Variants in SHROOM3 observed in about 807,000 individuals in gnomAD.
The protein encoded by SHROOM3 is protein Shroom3.
Under a neutral mutation model 138.6 loss-of-function variants are expected in SHROOM3, and 47 were observed. That is an observed-to-expected ratio of 0.34 (90% CI 0.27 to 0.43). The LOEUF (loss-of-function observed/expected upper bound fraction) is 0.43, where lower values mean the gene tolerates loss of function less well. Ranked by LOEUF, SHROOM3 falls within the 20% of genes least tolerant of loss-of-function variation. SHROOM3 has a pLI of 1.00. For synonymous variants in SHROOM3, 1,062 were observed against 1,063.3 expected (o/e 1.00, Z 0.02); for missense variants, 2,491 against 2,596.5 (o/e 0.96, Z 0.88).
chr4:76,775,929 T>TA (rs1560626510), intron 10 of SHROOM3, among the ~76,000 whole-genome samples: 1 of 151,976 alleles, frequency 6.6e-6, no homozygotes, highest in Non-Finnish European at 1.5e-5. Context: ...ATTGTGCTGC[T>TA]ATAAACATGG....
chr4:76,770,960 C>T (rs921182601), intron 10 of SHROOM3, 62 bp downstream of exon 10: 44 of 1,580,380 alleles, frequency 2.8e-5, no homozygotes, highest in Admixed American at 5.0e-5. Flanking sequence ...CATAGAGAGG[C>T]GCCATTAGAC....
intron 1 of SHROOM3, among the ~76,000 whole-genome samples, chr4:76,541,625 G>GCACACACACACA (rs149127524): frequency 2.0e-5 from 3 of 148,650 alleles, no homozygotes; most frequent in Admixed American, 6.7e-5. Flanking sequence ...ATATGTGGGC[G>GCACACACACACA]CACACACACA....
chr4:76,530,680 T>C (rs949716918), intron 1 of SHROOM3, among the ~76,000 whole-genome samples: 3 of 152,070 alleles, frequency 2.0e-5, no homozygotes, highest in African/African-American at 7.2e-5. Flanking sequence ...CAGGGAAAGG[T>C]TTTGTCTCCA....
intron 1 of SHROOM3, among the ~76,000 whole-genome samples, chr4:76,520,607 A>G (rs1263712448): frequency 6.6e-6 from 1 of 152,148 alleles, no homozygotes; most frequent in African/African-American, 2.4e-5. Context: ...AGCTCAGGCA[A>G]TTGGGCTCCT....
At chr4:76,464,988 T>C (rs1408924205) in intron 1 of SHROOM3, among the ~76,000 whole-genome samples, 6 of 152,300 alleles carry the variant, frequency 3.9e-5, no homozygotes, top group Non-Finnish European at 8.8e-5. Flanking sequence ...ACACCATAAA[T>C]GTTCTCTTTG....
chr4:76,595,684 T>G (rs1215368395), intron 2 of SHROOM3, among the ~76,000 whole-genome samples: 1 of 152,166 alleles, frequency 6.6e-6, no homozygotes, highest in African/African-American at 2.4e-5. Flanking sequence ...TTACCAAGAA[T>G]AGTATAGACC....
chr4:76,757,550 G>C (rs1425859204), intron 8 of SHROOM3, among the ~76,000 whole-genome samples: 1 of 152,196 alleles, frequency 6.6e-6, no homozygotes, highest in Middle Eastern at 3.2e-3. Flanking sequence ...GCTTTGTAAG[G>C]AGGAGAGCCT....
At chr4:76,710,515 G>A (rs1368794392) in intron 3 of SHROOM3, among the ~76,000 whole-genome samples, 3 of 152,090 alleles carry the variant, frequency 2.0e-5, no homozygotes, top group Admixed American at 6.6e-5. Flanking sequence ...TAAAGTTCCT[G>A]GGAGGTCATT....
At chr4:76,679,064 G>T (rs1719120006) in intron 2 of SHROOM3, among the ~76,000 whole-genome samples, 2 of 152,180 alleles carry the variant, frequency 1.3e-5, no homozygotes, top group South Asian at 4.1e-4. Flanking sequence ...CAGCGAAGCT[G>T]CTCTTAACAA....
In SHROOM3 at chr4:76,551,856, G is replaced by T. The variant is rs561436494; in HGVS notation, c.169-3753G>T. Among the ~76,000 whole-genome samples the T allele has an allele frequency of 2.4e-3, 369 of 151,642 alleles. 2 individuals carry two copies. The highest frequency in any genetic ancestry group is 7.8e-3 in the African/African-American group (322 of 41,356). ...GATTATCTGAAAATGGGAAAAAGAA[G>T]AATTATTATTATTATTTTTTTTTGA... On this transcript the variant is annotated intron_variant, in intron 1 of 10. Transcript: ENST00000296043.
At chr4:76,461,750 A>G (rs1731146907) in intron 1 of SHROOM3, among the ~76,000 whole-genome samples, 1 of 152,218 alleles carries the variant, frequency 6.6e-6, no homozygotes, top group Non-Finnish European at 1.5e-5. Context: ...TGTTAAGATC[A>G]ATAGCTAAGT....
rs574329550 is a variant in SHROOM3, at chr4:76,438,658, A to G, written c.168+2438A>G. Among the ~76,000 whole-genome samples the G allele has an allele frequency of 3.3e-5, 5 of 152,008 alleles. No individual in the cohort carries two copies. The East Asian group carries it at 7.7e-4, about 24-fold the overall frequency. Reference sequence around the variant, plus strand: ...TCCGTGGTCTCCCTTCTACACTTCCATATTATGCATGTATTACATTGAATC... The same window carrying G: ...TCCGTGGTCTCCCTTCTACACTTCCGTATTATGCATGTATTACATTGAATC... On this transcript the variant is annotated intron_variant, in intron 1 of 10. Transcript: ENST00000296043.
At position 76,739,574 on chromosome 4, in the gene SHROOM3, C is replaced by G; in HGVS notation, c.1401C>G (p.Ile467Met). The change falls in exon 5 of 11, where the codon ATC becomes ATG. Residue 467 changes from isoleucine to methionine, a missense_variant. Ile to Met is a conservative substitution (Grantham distance 10). Coordinates refer to ENST00000296043, the MANE Select transcript of SHROOM3 (RefSeq NM_020859.4). ...QPGQPLLPTS[I>M]YPVPSLEPHF... ...GCCAACCTCTGCTGCCGACCAGCAT[C>G]TACCCGGTACCTTCCCTGGAGCCAC... 2.5e-6 allele frequency: 4 copies of G among 1,614,240 alleles called. No individual in the cohort carries two copies. Among genetic ancestry groups the G allele is most frequent in the Non-Finnish European group, 3.4e-6 (4 of 1,180,042 alleles).
chr4:76,756,216 G>C (rs1481097459), intron 7 of SHROOM3, among the ~76,000 whole-genome samples: 1 of 152,140 alleles, frequency 6.6e-6, no homozygotes. Flanking sequence ...CTGTGACTAG[G>C]TAGGTAAATG....
chr4:76,462,489 G>A (rs2109976541), intron 1 of SHROOM3, among the ~76,000 whole-genome samples: 1 of 152,238 alleles, frequency 6.6e-6, no homozygotes, highest in East Asian at 1.9e-4. Flanking sequence ...CACTTGATAT[G>A]GTTTGGATTT....
intron 1 of SHROOM3, among the ~76,000 whole-genome samples, chr4:76,480,621 G>A (rs1201066149): frequency 2.0e-5 from 3 of 152,136 alleles, no homozygotes; most frequent in African/African-American, 7.2e-5. Context: ...ACTCAGCTCT[G>A]GAGCAAGCTG....
intron 2 of SHROOM3, among the ~76,000 whole-genome samples, chr4:76,595,301 C>T (rs916822604): frequency 9.2e-5 from 14 of 152,176 alleles, no homozygotes; most frequent in Admixed American, 1.3e-4. Context: ...TGACTTTGAA[C>T]GTCAGTTCCA....
intron 1 of SHROOM3, among the ~76,000 whole-genome samples, 157 bp from the exon 2 acceptor site, chr4:76,555,452 C>T (rs928039117): frequency 8.5e-5 from 13 of 152,166 alleles, no homozygotes; most frequent in Non-Finnish European, 1.2e-4. Flanking sequence ...CCAGTCCCTG[C>T]GCTCTCACAG....
chr4:76,620,416 C>T lies in SHROOM3; in HGVS notation c.323+64653C>T, dbSNP rs189099242. On this transcript the variant is annotated intron_variant, in intron 2 of 10. Coordinates refer to ENST00000296043, the MANE Select transcript of SHROOM3 (RefSeq NM_020859.4). The stretch of plus-strand genomic sequence containing the variant: ...TGAGAATGAATGGGATCCCCAAGGG[C>T]GAGAGCAGAAGTGCCCAGGAGAGGA... Among the ~76,000 whole-genome samples the T allele has an allele frequency of 9.9e-5, 15 of 152,206 alleles. No homozygotes were observed. The East Asian group carries it at 1.9e-3, about 20-fold the overall frequency.
Sources: allele counts gnomAD v4.1 joint callset (sites outside exome capture counted in the v4.1 genomes callset), GRCh38; gene constraint gnomAD v4.1.1; transcripts MANE v1.5; gene names NCBI Gene and HGNC (gene_info 2026-07-23, HGNC 2026-07-21).